Variants in DST observed in about 807,000 individuals in gnomAD.
DST encodes the protein dystonin.
Under a neutral mutation model 875.2 loss-of-function variants are expected in DST, and 253 were observed. The observed-to-expected ratio is 0.29, with a 90% CI of 0.26 to 0.32. The LOEUF (loss-of-function observed/expected upper bound fraction) is 0.32. Among genes scored for constraint, DST ranks in the 10% least tolerant of loss-of-function variants. The pLI, the probability that DST is intolerant of heterozygous loss-of-function variation, is 1.00. For missense variants in DST, 8,287 were observed against 9,111.6 expected, an observed-to-expected ratio of 0.91 and a Z score of 3.68; for synonymous variants, 3,124 against 3,197.1, an observed-to-expected ratio of 0.98 and a Z score of 0.77.
Position 56,799,048 on chromosome 6 carries a change from G to A in DST, c.625+52349C>T, listed in dbSNP as rs557119793. Among the ~76,000 whole-genome samples the A allele has an allele frequency of 3.3e-5, 5 of 152,352 alleles. No homozygotes were observed. In the East Asian group the frequency reaches 5.8e-4, roughly 18 times the overall value. On this transcript the variant is annotated intron_variant, in intron 4 of 103. Transcript: ENST00000680361. Reference sequence around the variant, plus strand: ...GCAAAGAAAGTGGTTTCTTGAGGCAGAATCTACTCCTGGTGAAGACACTGT... The same window carrying A: ...GCAAAGAAAGTGGTTTCTTGAGGCAAAATCTACTCCTGGTGAAGACACTGT...
rs550783516 is a variant in DST, at chr6:56,953,945, A to T, written c.182-126T>A. The T allele has an allele frequency of 2.0e-4, 101 of 514,442 alleles. 1 individual carries two copies. The highest frequency in any genetic ancestry group is 1.8e-3 in the South Asian group (100 of 54,216). 31.9% of individuals were successfully genotyped at this position (514,442 alleles called of 1,614,324 possible). A position where few individuals can be genotyped will look rare whatever the true frequency, so the allele number is the denominator to read the frequency against. Reference sequence around the variant, plus strand: ...TCGCAGACTCCTGGAATTCGGTGGGACATCCTGGGGGAGGGAGGAGGAGTC... The same window carrying T: ...TCGCAGACTCCTGGAATTCGGTGGGTCATCCTGGGGGAGGGAGGAGGAGTC... On this transcript the variant is annotated intron_variant, in intron 1 of 103. Transcript: ENST00000680361.
At position 56,938,211 on chromosome 6, in the gene DST, G is replaced by A. The variant is rs145221506; in HGVS notation, c.216+15574C>T. Reference sequence around the variant, plus strand: ...TGCAGTGGCATGATCATAGCTCACTGCAGCCTCAAACTCCTGGGCTCAAGT... The same window carrying A: ...TGCAGTGGCATGATCATAGCTCACTACAGCCTCAAACTCCTGGGCTCAAGT... On this transcript the variant is annotated intron_variant, in intron 2 of 103. Coordinates refer to ENST00000680361, the MANE Select transcript of DST (RefSeq NM_001374736.1). Among the ~76,000 whole-genome samples, 226 of 151,728 alleles carry A rather than the reference G, an allele frequency of 1.5e-3. 3 individuals are homozygous for A. Among genetic ancestry groups the A allele is most frequent in the Middle Eastern group, 6.8e-3 (2 of 294 alleles).
At chr6:56,733,669 A>C (rs1202067284) in intron 5 of DST, among the ~76,000 whole-genome samples, 1 of 152,222 alleles carries the variant, frequency 6.6e-6, no homozygotes, top group African/African-American at 2.4e-5. Context: ...TTTGGTGTAC[A>C]TGTCACAGAC....
intron 5 of DST, among the ~76,000 whole-genome samples, chr6:56,724,534 T>C (rs1157466069): frequency 6.6e-6 from 1 of 152,258 alleles, no homozygotes; most frequent in East Asian, 1.9e-4. Context: ...TGCTATGTTG[T>C]GGCTATGACT....
chr6:56,754,016 C>T (rs1397309816), intron 4 of DST, among the ~76,000 whole-genome samples: 10 of 152,118 alleles, frequency 6.6e-5, no homozygotes, highest in African/African-American at 2.4e-4. Flanking sequence ...TAAAATGGAG[C>T]TTTTTGTTTA....
intron 45 of DST, among the ~76,000 whole-genome samples, chr6:56,599,030 T>G (rs1216635811): frequency 6.6e-6 from 1 of 152,158 alleles, no homozygotes; most frequent in Non-Finnish European, 1.5e-5. Context: ...TGAGCACATG[T>G]ACAAAGGCTT....
intron 49 of DST, among the ~76,000 whole-genome samples, chr6:56,584,203 T>G (rs578148750): frequency 6.6e-6 from 1 of 151,990 alleles, no homozygotes; most frequent in African/African-American, 2.4e-5. Flanking sequence ...ATTTTCACGA[T>G]ATTGATTCTT....
At chr6:56,913,154 C>T (rs1799469599) in intron 2 of DST, among the ~76,000 whole-genome samples, 1 of 152,202 alleles carries the variant, frequency 6.6e-6, no homozygotes, top group Admixed American at 6.5e-5. Flanking sequence ...TTGTTCAGCT[C>T]CTAACTACAT....
chr6:56,793,035 C>G (rs1457404086), intron 4 of DST, among the ~76,000 whole-genome samples: 1 of 131,020 alleles, frequency 7.6e-6, no homozygotes, highest in African/African-American at 2.9e-5. Flanking sequence ...CACCACTGCA[C>G]TCCAGCCTGG....
At chr6:56,657,048 C>G (rs547330555) in intron 10 of DST, among the ~76,000 whole-genome samples, 1 of 152,236 alleles carries the variant, frequency 6.6e-6, no homozygotes, top group East Asian at 1.9e-4. Flanking sequence ...TTTCTCCCCC[C>G]TCCCTCAGGT....
At chr6:56,480,335 G>A (rs2095359535) in intron 90 of DST, among the ~76,000 whole-genome samples, 1 of 152,172 alleles carries the variant, frequency 6.6e-6, no homozygotes, top group African/African-American at 2.4e-5. Context: ...TGTTTCCCCT[G>A]GAGAACAGCT....
chr6:56,579,904 GT>G (rs1461189329), intron 49 of DST, among the ~76,000 whole-genome samples: 1 of 152,198 alleles, frequency 6.6e-6, no homozygotes, highest in African/African-American at 2.4e-5. Flanking sequence ...CATGGGAAAA[GT>G]CCAATGGAAA....
chr6:56,650,325 C>CAAAAAAAAAAAAAAAA (rs70989721), intron 12 of DST, among the ~76,000 whole-genome samples: 2 of 48,700 alleles, frequency 4.1e-5, no homozygotes, highest in African/African-American at 1.6e-4. Flanking sequence ...CATAACCACC[C>CAAAAAAAAAAAAAAAA]AAAAAAAAAA....
chr6:56,720,349 C>CT (rs386407172), intron 5 of DST, among the ~76,000 whole-genome samples: 18,739 of 130,196 alleles, frequency 0.14, 3,412 homozygotes, highest in African/African-American at 0.44. Context: ...TTATCCTGTT[C>CT]TTTTTTTTTT....
At chr6:56,692,602 G>C in intron 9 of DST, 1 of 1,289,762 alleles carries the variant, frequency 7.8e-7, no homozygotes. Context: ...GCTTAAGCTG[G>C]CTGCCTTTCG....
At chr6:56,780,587 T>C (rs1476523096) in intron 4 of DST, among the ~76,000 whole-genome samples, 2 of 152,200 alleles carry the variant, frequency 1.3e-5, no homozygotes, top group Non-Finnish European at 2.9e-5. Flanking sequence ...GTTTTTTTCC[T>C]GTAAATTTGT....
At chr6:56,636,752 T>C in intron 22 of DST, 100 bp from the exon 23 acceptor site, 1 of 977,514 alleles carries the variant, frequency 1.0e-6, no homozygotes. Context: ...ACTATCTAAA[T>C]AGATGACCAA....
At chr6:56,472,364 G>T in intron 93 of DST, 142 bp from the exon 94 acceptor site, 1 of 730,818 alleles carries the variant, frequency 1.4e-6, no homozygotes, top group Non-Finnish European at 2.2e-6. Context: ...TTTAGATGAT[G>T]TATAATGTCA....
intron 11 of DST, 47 bp downstream of exon 11, chr6:56,651,085 G>T: frequency 6.3e-7 from 1 of 1,587,110 alleles, no homozygotes; most frequent in South Asian, 1.1e-5. Context: ...AATTACTTTT[G>T]ATCAGACTTT....
Sources: allele counts gnomAD v4.1 joint callset (sites outside exome capture counted in the v4.1 genomes callset), GRCh38; gene constraint gnomAD v4.1.1; transcripts MANE v1.5; gene names NCBI Gene and HGNC (gene_info 2026-07-23, HGNC 2026-07-21).